FARP1: variants seen among roughly 807,000 people sequenced by gnomAD.
FARP1 encodes FERM, ARHGEF and pleckstrin domain-containing protein 1.
Under a neutral mutation model 128.8 loss-of-function variants are expected in FARP1, and 52 were observed. The observed-to-expected ratio is 0.40, with a 90% CI of 0.32 to 0.51. The LOEUF is 0.51. Among genes scored for constraint, FARP1 ranks in the 20% least tolerant of loss-of-function variants. The pLI is 0.45. For missense variants in FARP1, 1,333 were observed against 1,367.9 expected (o/e 0.97, Z 0.40); for synonymous variants, 580 against 551.8 (o/e 1.05, Z -0.72).
intron 1 of FARP1, among the ~76,000 whole-genome samples, chr13:98,162,661 T>G (rs1876968854): frequency 6.6e-6 from 1 of 152,166 alleles, no homozygotes; most frequent in African/African-American, 2.4e-5. Flanking sequence ...TTTATCTACT[T>G]TACCCTTCAT....
intron 12 of FARP1, among the ~76,000 whole-genome samples, chr13:98,394,635 T>TA (rs959739219): frequency 6.6e-6 from 1 of 152,080 alleles, no homozygotes; most frequent in African/African-American, 2.4e-5. Context: ...CCAGTCTCTA[T>TA]AAAAAAATTT....
chr13:98,200,119 A>AT (rs1396290498), intron 1 of FARP1, among the ~76,000 whole-genome samples: 4 of 152,236 alleles, frequency 2.6e-5, no homozygotes, highest in Non-Finnish European at 5.9e-5. Flanking sequence ...TGGAGTAGAA[A>AT]TTAAAAATTG....
rs61501785 is a variant in FARP1, at chr13:98,397,919, A to AAAAAAAAAGAAAG, written c.1414+2443_1414+2444insAAAAAAAAGAAAG. The AAAAAAAAAGAAAG allele has an allele frequency of 9.7e-5, 12 of 124,300 alleles. 1 individual carries two copies. The highest frequency in any genetic ancestry group is 2.2e-4 in the East Asian group (1 of 4,592). The allele number at this position is 124,300 out of a possible 1,614,324, so 7.7% of individuals were successfully genotyped here. ...TTTTTTGAAAAAAAAAAAAAAAAAA[A>AAAAAAAAAGAAAG]GATAAATTGTAGAATAAAATTTTTA... On this transcript the variant is annotated intron_variant, in intron 13 of 26. Coordinates refer to ENST00000319562, the MANE Select transcript of FARP1 (RefSeq NM_005766.4).
intron 6 of FARP1, among the ~76,000 whole-genome samples, chr13:98,383,016 AAC>A (rs1400897715): frequency 2.6e-5 from 4 of 152,232 alleles, no homozygotes; most frequent in African/African-American, 9.6e-5. Context: ...TTTCAACAGA[AAC>A]ACACATAAGA....
intron 2 of FARP1, among the ~76,000 whole-genome samples, chr13:98,293,842 A>T (rs1470779896): frequency 6.6e-6 from 1 of 152,106 alleles, no homozygotes; most frequent in Non-Finnish European, 1.5e-5. Flanking sequence ...TTAAACTAAG[A>T]TGGCCATTTT....
At chr13:98,273,016 C>T (rs1293797210) in intron 2 of FARP1, among the ~76,000 whole-genome samples, 1 of 152,090 alleles carries the variant, frequency 6.6e-6, no homozygotes, top group East Asian at 1.9e-4. Context: ...CTGAAGAGGT[C>T]CTGAGAAAGT....
At chr13:98,430,646 C>T (rs1886090) in intron 17 of FARP1, among the ~76,000 whole-genome samples, 96,749 of 152,066 alleles carry the variant, frequency 0.64, 30,879 homozygotes, top group East Asian at 0.8. Context: ...ATGTAATGCT[C>T]ACTGACGGCC....
At chr13:98,221,678 TCTC>T (rs1233406009) in intron 2 of FARP1, among the ~76,000 whole-genome samples, 2 of 152,204 alleles carry the variant, frequency 1.3e-5, no homozygotes, top group Non-Finnish European at 2.9e-5. Flanking sequence ...GATTTCTTGA[TCTC>T]CTCTATTTTC....
chr13:98,348,059 T>C lies in FARP1; in HGVS notation c.276+4193T>C, dbSNP rs147237735. On this transcript the variant is annotated intron_variant, in intron 3 of 26. Coordinates refer to ENST00000319562, the MANE Select transcript of FARP1 (RefSeq NM_005766.4). ...TTCATAGTAAGGATGTGAAGGAGTT[T>C]AAGGGGAAAATAAGGGTTTTTCATA... 2.6e-3 allele frequency among the ~76,000 whole-genome samples: 398 copies of C among 152,368 alleles called. 3 individuals are homozygous for C. The highest frequency in any genetic ancestry group is 0.021 in the East Asian group (109 of 5,192).
rs368229193 is a variant in FARP1 at position 98,267,013 on chromosome 13, C to CAAAA, written c.171+53618_171+53621dup. Among the ~76,000 whole-genome samples the CAAAA allele has an allele frequency of 9.2e-4, 59 of 63,958 alleles. 1 individual carries two copies. The highest frequency in any genetic ancestry group is 1.5e-3 in the African/African-American group (28 of 18,510). 42.0% of individuals were successfully genotyped at this position (63,958 alleles called of 152,430 possible). On this transcript the variant is annotated intron_variant, in intron 2 of 26. Transcript: ENST00000319562. ...TGGGTGATGGTCAAGACTCCCATCT[C>CAAAA]AAAAAAAAAAAAAAAAAAAAAGGGG...
intron 18 of FARP1, chr13:98,433,889 C>T (rs1892144219): frequency 6.6e-6 from 1 of 152,328 alleles, no homozygotes; most frequent in Non-Finnish European, 1.5e-5. Flanking sequence ...TGTCCTGTCA[C>T]ACTGGCATTG....
chr13:98,144,881 G>C (rs1282110993), intron 1 of FARP1, among the ~76,000 whole-genome samples: 1 of 152,158 alleles, frequency 6.6e-6, no homozygotes, highest in Non-Finnish European at 1.5e-5. Context: ...TTTATTCTCA[G>C]TCTTTCGGAT....
At chr13:98,435,358 G>T in intron 18 of FARP1, 2 of 467,186 alleles carry the variant, frequency 4.3e-6, no homozygotes, top group Non-Finnish European at 7.6e-6. Context: ...CCATGCAGGG[G>T]TCACTTAGTT....
intron 2 of FARP1, among the ~76,000 whole-genome samples, chr13:98,228,916 A>T (rs1881950881): frequency 6.6e-6 from 1 of 152,254 alleles, no homozygotes; most frequent in African/African-American, 2.4e-5. Context: ...TGCACTGACC[A>T]GTTGAGTAAT....
chr13:98,181,301 C>T (rs951947591), intron 1 of FARP1, among the ~76,000 whole-genome samples: 10 of 152,054 alleles, frequency 6.6e-5, no homozygotes, highest in Admixed American at 3.3e-4. Flanking sequence ...GCGCTGTGAC[C>T]GACAGCAAAT....
intron 2 of FARP1, among the ~76,000 whole-genome samples, chr13:98,241,395 T>C (rs1882763514): frequency 6.6e-6 from 1 of 152,122 alleles, no homozygotes; most frequent in South Asian, 2.1e-4. Flanking sequence ...TTGCACACGA[T>C]GGGGTGGACT....
At chr13:98,148,174 T>A (rs1594198081) in intron 1 of FARP1, among the ~76,000 whole-genome samples, 1 of 151,242 alleles carries the variant, frequency 6.6e-6, no homozygotes, top group Admixed American at 6.6e-5. Context: ...AGGTCAGGAG[T>A]TCAAGACCAG....
chr13:98,386,552 G>A (rs1890106331), intron 8 of FARP1, among the ~76,000 whole-genome samples: 1 of 152,084 alleles, frequency 6.6e-6, no homozygotes, highest in African/African-American at 2.4e-5. Context: ...TTATATATAT[G>A]TATATCCTGT....
intron 10 of FARP1, chr13:98,390,595 A>T (rs1013499884): frequency 3.2e-5 from 17 of 523,110 alleles, no homozygotes; most frequent in African/African-American, 2.7e-4. Flanking sequence ...TAGTTAATTG[A>T]ACATTTTTTC....
Sources: gnomAD v4.1 joint callset for allele counts (sites outside exome capture counted in the v4.1 genomes callset) on GRCh38, gnomAD v4.1.1 for gene constraint, MANE v1.5 for transcripts, NCBI Gene and HGNC (gene_info 2026-07-23, HGNC 2026-07-21) for gene names.